The following TENM2 variants were observed in gnomAD, a reference collection of about 807,000 sequenced individuals.
TENM2 encodes the protein teneurin transmembrane protein 2.
TENM2 carries 52 observed loss-of-function variants against 245.2 expected under a neutral mutation model. The ratio of observed to expected loss-of-function variants is 0.21; its 90% CI spans 0.17 to 0.27. TENM2 has a LOEUF of 0.27. Ranked by LOEUF, TENM2 falls within the 10% of genes least tolerant of loss-of-function variation. The probability of loss-of-function intolerance (pLI) is 1.00; values close to 1 mark genes in which losing one functional copy is unlikely to be tolerated. For synonymous variants in TENM2, 1,363 were observed against 1,438.9 expected (o/e 0.95, Z 1.19); for missense variants, 3,046 against 3,666.8 (o/e 0.83, Z 4.37).
At chr5:167,087,829 G>T in the TENM2 span, among the ~76,000 whole-genome samples, 1 of 150,444 alleles carries the variant, frequency 6.6e-6, no homozygotes, top group African/African-American at 2.5e-5. Flanking sequence ...TTGCTCTGTT[G>T]CCCAGGCTGG....
chr5:167,652,881 A>G lies in TENM2; in HGVS notation c.503-223105A>G, dbSNP rs140641947. ...AGCTACAAGATTAATTTTCTGGAGT[A>G]CAACTCTGATCATTTGATGTCTGGG... On this transcript the variant is annotated intron_variant, in intron 2 of 28. Transcript: ENST00000518659. Among the ~76,000 whole-genome samples, 203 of 152,326 alleles carry G rather than the reference A, an allele frequency of 1.3e-3. 2 individuals are homozygous for G. In the East Asian group the frequency reaches 0.03, roughly 23 times the overall value.
chr5:168,029,150 G>A (rs1054955681), intron 5 of TENM2, among the ~76,000 whole-genome samples: 15 of 152,144 alleles, frequency 9.9e-5, no homozygotes, highest in Non-Finnish European at 1.5e-5. Context: ...CTCACATGGT[G>A]GAAGAGACTA....
At chr5:167,864,351 A>T (rs893572882) in intron 2 of TENM2, among the ~76,000 whole-genome samples, 1 of 152,222 alleles carries the variant, frequency 6.6e-6, no homozygotes, top group African/African-American at 2.4e-5. Context: ...TTTAATCCTC[A>T]GAAAGTCCTG....
chr5:167,762,002 G>T, intron 2 of TENM2, among the ~76,000 whole-genome samples: 1 of 152,186 alleles, frequency 6.6e-6, no homozygotes, highest in East Asian at 1.9e-4. Context: ...GCCTCAGCTA[G>T]AAAGAATTAA....
At chr5:167,439,068 A>G (rs1020550699) in intron 2 of TENM2, among the ~76,000 whole-genome samples, 1 of 152,188 alleles carries the variant, frequency 6.6e-6, no homozygotes, top group Non-Finnish European at 1.5e-5. Context: ...TGCTGGGATT[A>G]CAGGCATGAG....
At chr5:167,436,573 A>G (rs1053837177) in intron 2 of TENM2, among the ~76,000 whole-genome samples, 4 of 152,204 alleles carry the variant, frequency 2.6e-5, no homozygotes, top group African/African-American at 9.6e-5. Context: ...GAGGAGCCTA[A>G]TGTTAATCTC....
chr5:168,143,819 A>G (rs1258422874), intron 12 of TENM2, among the ~76,000 whole-genome samples: 1 of 148,914 alleles, frequency 6.7e-6, no homozygotes, highest in Non-Finnish European at 1.5e-5. Flanking sequence ...GCTAATATTA[A>G]CTAGAAATTT....
At chr5:167,951,458 CA>C (rs1392046921) in intron 3 of TENM2, among the ~76,000 whole-genome samples, 3 of 152,200 alleles carry the variant, frequency 2.0e-5, no homozygotes, top group Non-Finnish European at 2.9e-5. Context: ...AAACTACTTT[CA>C]TTTTCATTAT....
chr5:168,102,638 C>T (rs937040947), intron 9 of TENM2, among the ~76,000 whole-genome samples: 1 of 152,158 alleles, frequency 6.6e-6, no homozygotes, highest in South Asian at 2.1e-4. Context: ...AACAAAATTC[C>T]TTGACCACAC....
chr5:167,361,597 A>G (rs1382456280), intron 1 of TENM2, among the ~76,000 whole-genome samples: 3 of 152,182 alleles, frequency 2.0e-5, no homozygotes, highest in African/African-American at 7.2e-5. Context: ...TCTTTTTGTC[A>G]CTTTTTCAGG....
the TENM2 span, among the ~76,000 whole-genome samples, chr5:167,050,409 G>A: frequency 1.3e-5 from 2 of 152,010 alleles, no homozygotes; most frequent in South Asian, 2.1e-4. Context: ...CCCAACCCCA[G>A]TCTGTGAAAA....
intron 9 of TENM2, among the ~76,000 whole-genome samples, chr5:168,108,242 G>A (rs528403484): frequency 6.6e-6 from 1 of 152,074 alleles, no homozygotes; most frequent in East Asian, 1.9e-4. Flanking sequence ...TGAAAGAAAA[G>A]TTTACAGAAA....
the TENM2 span, among the ~76,000 whole-genome samples, chr5:167,247,428 C>A: frequency 1.3e-5 from 2 of 152,022 alleles, no homozygotes; most frequent in African/African-American, 4.8e-5. Context: ...TTTGGAGAAA[C>A]ATTATCAAAG....
chr5:167,854,787 C>T (rs60201000), intron 2 of TENM2, among the ~76,000 whole-genome samples: 1,902 of 152,196 alleles, frequency 0.012, 37 homozygotes, highest in African/African-American at 0.042. Context: ...TTTTGGGTTC[C>T]TTTCTCTCAA....
At chr5:167,968,909 T>C (rs1781570076) in intron 4 of TENM2, among the ~76,000 whole-genome samples, 1 of 152,188 alleles carries the variant, frequency 6.6e-6, no homozygotes, top group African/African-American at 2.4e-5. Context: ...TATGCACATG[T>C]GCATTTTCTG....
At chr5:167,975,383 T>C (rs543924877) in intron 4 of TENM2, among the ~76,000 whole-genome samples, 87 of 152,228 alleles carry the variant, frequency 5.7e-4, no homozygotes, top group Middle Eastern at 3.4e-3. Context: ...GGGTCTGCCT[T>C]AGAGTATATT....
chr5:167,445,798 G>A (rs1005839915), intron 2 of TENM2, among the ~76,000 whole-genome samples: 2 of 152,130 alleles, frequency 1.3e-5, no homozygotes, highest in African/African-American at 2.4e-5. Context: ...TGGTGTAACT[G>A]CCCAAACCGT....
intron 4 of TENM2, among the ~76,000 whole-genome samples, chr5:167,957,080 C>T (rs1272903583): frequency 6.6e-6 from 1 of 151,782 alleles, no homozygotes; most frequent in African/African-American, 2.4e-5. Flanking sequence ...TGGTAGGATT[C>T]AACTCTGATT....
intron 5 of TENM2, among the ~76,000 whole-genome samples, chr5:167,996,585 T>C (rs1249853832): frequency 6.6e-6 from 1 of 152,204 alleles, no homozygotes; most frequent in African/African-American, 2.4e-5. Context: ...CTGAATCATG[T>C]AACCAAAGTA....
Sources: gnomAD v4.1 joint callset for allele counts (sites outside exome capture counted in the v4.1 genomes callset) on GRCh38, gnomAD v4.1.1 for gene constraint, MANE v1.5 for transcripts, NCBI Gene and HGNC (gene_info 2026-07-23, HGNC 2026-07-21) for gene names.